LDLRAP1: variants seen among roughly 807,000 people sequenced by gnomAD.
LDLRAP1 encodes low density lipoprotein receptor adaptor protein 1.
A neutral mutation model predicts 37.8 loss-of-function variants in LDLRAP1; 30 were observed. That is an observed-to-expected ratio of 0.79 (90% CI 0.59 to 1.08). LDLRAP1 has a LOEUF of 1.08. Ranked by LOEUF, LDLRAP1 falls within the 50% of genes least tolerant of loss-of-function variation. The pLI, the probability that LDLRAP1 is intolerant of heterozygous loss-of-function variation, is 0.00. For missense variants in LDLRAP1, 375 were observed against 401.6 expected, an observed-to-expected ratio of 0.93 and a Z score of 0.57; for synonymous variants, 156 against 169.8, an observed-to-expected ratio of 0.92 and a Z score of 0.63.
At chr1:25,562,538 G>A in intron 4 of LDLRAP1, 106 bp from the exon 5 acceptor site, 1 of 910,452 alleles carries the variant, frequency 1.1e-6, no homozygotes, top group Non-Finnish European at 1.8e-6. Flanking sequence ...AGAAGCTGCA[G>A]GGAGGGAGCC....
chr1:25,563,211 AG>A, intron 6 of LDLRAP1, 58 bp downstream of exon 6: 12 of 1,482,740 alleles, frequency 8.1e-6, no homozygotes, highest in Admixed American at 1.7e-5. Flanking sequence ...CGCTTCACCC[AG>A]GGGGGTCCCA....
Position 25,567,085 on chromosome 1 carries a change from CCT to C in LDLRAP1, c.*97_*98del. On this transcript the variant is annotated 3_prime_UTR_variant, in exon 9 of 9. Transcript: ENST00000374338. ...AGCCAGTTCTGGGGCCCGCCTGCCA[CCT>C]CTCCCAGCCCTCAGCATTGTCAGCC... The C allele has an allele frequency of 1.4e-6, 2 of 1,450,368 alleles. No individual in the cohort carries two copies. Among genetic ancestry groups the C allele is most frequent in the Non-Finnish European group, 1.9e-6 (2 of 1,047,230 alleles). 89.8% of individuals were successfully genotyped at this position (1,450,368 alleles called of 1,614,324 possible).
the LDLRAP1 span, among the ~76,000 whole-genome samples, chr1:25,582,804 G>A: frequency 2.0e-5 from 3 of 152,048 alleles, no homozygotes; most frequent in Admixed American, 6.6e-5. Flanking sequence ...GGGTACGGTG[G>A]CTCACATCTG....
chr1:25,545,319 G>A (rs2043907878), intron 1 of LDLRAP1, among the ~76,000 whole-genome samples: 1 of 152,180 alleles, frequency 6.6e-6, no homozygotes, highest in Admixed American at 6.5e-5. Flanking sequence ...TCTGAATCTG[G>A]GGACGTGGAA....
intron 1 of LDLRAP1, among the ~76,000 whole-genome samples, chr1:25,552,974 A>C (rs2044109220): frequency 6.6e-6 from 1 of 152,186 alleles, no homozygotes; most frequent in South Asian, 2.1e-4. Context: ...AGGACCATCC[A>C]GGGGGTGGGA....
intron 1 of LDLRAP1, among the ~76,000 whole-genome samples, chr1:25,548,668 T>G (rs145915021): frequency 6.6e-6 from 1 of 151,850 alleles, no homozygotes; most frequent in East Asian, 1.9e-4. Flanking sequence ...ACTCCTATTG[T>G]CCCTGTTATT....
At chr1:25,570,092 T>C (rs2044583105), downstream of LDLRAP1, among the ~76,000 whole-genome samples, 1 of 152,194 alleles carries the variant, frequency 6.6e-6, no homozygotes. Context: ...GAAACTGGTA[T>C]TTTAAGCGTC....
chr1:25,589,303 C>CG, the LDLRAP1 span, among the ~76,000 whole-genome samples: 1 of 127,570 alleles, frequency 7.8e-6, no homozygotes, highest in East Asian at 3.2e-4. Flanking sequence ...CACTCCATCT[C>CG]AAAAGAAAGA....
the LDLRAP1 span, among the ~76,000 whole-genome samples, chr1:25,587,444 T>C: frequency 1.3e-5 from 2 of 152,334 alleles, no homozygotes; most frequent in East Asian, 3.9e-4. Context: ...TGTGAGCCAC[T>C]GCATCCGGCC....
chr1:25,584,600 T>G, the LDLRAP1 span, among the ~76,000 whole-genome samples: 1 of 152,080 alleles, frequency 6.6e-6, no homozygotes, highest in Non-Finnish European at 1.5e-5. Context: ...CCCACTGGGC[T>G]TGGTTGAGAG....
At chr1:25,556,494 A>G (rs1572038270) in intron 3 of LDLRAP1, among the ~76,000 whole-genome samples, 1 of 152,174 alleles carries the variant, frequency 6.6e-6, no homozygotes, top group East Asian at 1.9e-4. Context: ...CCACAGCTCC[A>G]GAACTTGCAA....
downstream of LDLRAP1, among the ~76,000 whole-genome samples, chr1:25,572,335 C>T (rs763398406): frequency 9.2e-5 from 14 of 152,148 alleles, no homozygotes; most frequent in Non-Finnish European, 1.6e-4. Flanking sequence ...TCCACTTTGC[C>T]GGCTGTCAGA....
At chr1:25,573,700 G>A (rs968986349), downstream of LDLRAP1, among the ~76,000 whole-genome samples, 2 of 152,184 alleles carry the variant, frequency 1.3e-5, no homozygotes, top group African/African-American at 4.8e-5. Flanking sequence ...CTTTGCACAC[G>A]TTACGTAATC....
chr1:25,565,950 C>T (rs911770382), intron 8 of LDLRAP1, among the ~76,000 whole-genome samples: 5 of 152,152 alleles, frequency 3.3e-5, no homozygotes, highest in Non-Finnish European at 5.9e-5. Context: ...CTTTGCCCTC[C>T]TGCCTCCTCC....
At chr1:25,580,609 G>A in the LDLRAP1 span, among the ~76,000 whole-genome samples, 2 of 152,122 alleles carry the variant, frequency 1.3e-5, no homozygotes, top group Non-Finnish European at 2.9e-5. Flanking sequence ...TCTGGGATCA[G>A]GTGATCCTCC....
At chr1:25,576,093 A>C in the LDLRAP1 span, among the ~76,000 whole-genome samples, 1 of 151,622 alleles carries the variant, frequency 6.6e-6, no homozygotes, top group African/African-American at 2.4e-5. Flanking sequence ...TTAGCCGGGC[A>C]TGGTGGCATG....
At chr1:25,548,700 G>C (rs1364890419) in intron 1 of LDLRAP1, among the ~76,000 whole-genome samples, 1 of 152,016 alleles carries the variant, frequency 6.6e-6, no homozygotes, top group East Asian at 1.9e-4. Context: ...TTGAGACAAG[G>C]TCTCACTCTA....
rs1354096239 is a variant in LDLRAP1, at chr1:25,544,856, A to G, written c.88+1070A>G. Among the ~76,000 whole-genome samples, 2 of 152,068 alleles carry G rather than the reference A, an allele frequency of 1.3e-5. No homozygotes were observed. On this transcript the variant is annotated intron_variant, in intron 1 of 8. Transcript: ENST00000374338. The surrounding 1 kb of genome is among the most constrained non-coding windows in gnomAD (Gnocchi z 4.8). ...ACAACTGACAGTACAGCACCCCCTC[A>G]TCCCATCCCCTCTTGGCCTTACAGG... is the stretch of plus-strand genomic sequence containing the variant.
the LDLRAP1 span, among the ~76,000 whole-genome samples, chr1:25,582,351 C>T: frequency 1.3e-5 from 2 of 152,142 alleles, no homozygotes; most frequent in African/African-American, 2.4e-5. Context: ...CTTTGGGAGG[C>T]CAAGGCGGGC....
Sources: allele counts gnomAD v4.1 joint callset (sites outside exome capture counted in the v4.1 genomes callset), GRCh38; gene constraint gnomAD v4.1.1; non-coding constraint Gnocchi (gnomAD v3.1); transcripts MANE v1.5; gene names NCBI Gene and HGNC (gene_info 2026-07-23, HGNC 2026-07-21).